The following GPC6 variants were observed in gnomAD, a reference collection of about 807,000 sequenced individuals.
The protein encoded by GPC6 is glypican-6.
In GPC6, 14 loss-of-function variants were observed where a neutral mutation model predicts 55.2. The observed-to-expected ratio is 0.25, with a 90% confidence interval of 0.17 to 0.40. The LOEUF (loss-of-function observed/expected upper bound fraction) is 0.40, where lower values mean the gene tolerates loss of function less well. Ranked by LOEUF, GPC6 falls within the 10% of genes least tolerant of loss-of-function variation. The probability of loss-of-function intolerance (pLI) is 1.00; values close to 1 mark genes in which losing one functional copy is unlikely to be tolerated. For synonymous variants in GPC6, 278 were observed against 259.6 expected (o/e 1.07, Z -0.68); for missense variants, 641 against 708.5 (o/e 0.90, Z 1.08).
At chr13:94,118,990 TTATG>T (rs1886529536) in intron 4 of GPC6, among the ~76,000 whole-genome samples, 1 of 52,086 alleles carries the variant, frequency 1.9e-5, no homozygotes, top group Non-Finnish European at 4.0e-5. Flanking sequence ...TGTATATACA[TTATG>T]TATGTGTGTG....
rs1024977860 is a variant in GPC6 at position 94,405,969 on chromosome 13, C to T, written c.*2752C>T. ...AGTAAGTATTTTGGAATTCAACCCT[C>T]GAATTATTTTTTCTCATTTCAGCAT... On this transcript the variant is annotated 3_prime_UTR_variant, in exon 9 of 9. Coordinates refer to ENST00000377047, the MANE Select transcript of GPC6 (RefSeq NM_005708.5). 1.5e-4 allele frequency: 23 copies of T among 152,188 alleles called. No homozygotes were observed. Among genetic ancestry groups the T allele is most frequent in the African/African-American group, 4.8e-4 (20 of 41,534 alleles). 9.4% of individuals were successfully genotyped at this position (152,188 alleles called of 1,614,324 possible).
At chr13:93,400,356 CAG>C (rs991914315) in intron 1 of GPC6, among the ~76,000 whole-genome samples, 11 of 141,050 alleles carry the variant, frequency 7.8e-5, no homozygotes, top group African/African-American at 2.8e-4. Context: ...AAAAAAAATA[CAG>C]AGTCCCTGTT....
At chr13:94,395,445 G>T (rs1256126810) in intron 7 of GPC6, among the ~76,000 whole-genome samples, 1 of 152,224 alleles carries the variant, frequency 6.6e-6, no homozygotes, top group Non-Finnish European at 1.5e-5. Context: ...AGTGAGCATT[G>T]TGAAGTCGAT....
chr13:94,011,309 A>C (rs577632866), intron 3 of GPC6, among the ~76,000 whole-genome samples: 1 of 152,294 alleles, frequency 6.6e-6, no homozygotes, highest in African/African-American at 2.4e-5. Flanking sequence ...GTCATCCTTC[A>C]AAGTAACCCC....
At chr13:93,980,889 A>T (rs1330413120) in intron 3 of GPC6, among the ~76,000 whole-genome samples, 7 of 152,132 alleles carry the variant, frequency 4.6e-5, no homozygotes, top group Admixed American at 1.3e-4. Context: ...ACTTGCTTAC[A>T]GATTTCTCCT....
intron 4 of GPC6, among the ~76,000 whole-genome samples, chr13:94,168,466 C>G (rs1888441712): frequency 6.6e-6 from 1 of 152,110 alleles, no homozygotes; most frequent in Non-Finnish European, 1.5e-5. Flanking sequence ...CCCCTAATAA[C>G]ATTTTTATGT....
chr13:93,255,282 A>C (rs1876915661), intron 1 of GPC6, among the ~76,000 whole-genome samples: 1 of 152,220 alleles, frequency 6.6e-6, no homozygotes, highest in Admixed American at 6.5e-5. Flanking sequence ...AACCTTGTAA[A>C]GATCAAATCA....
At chr13:94,162,117 C>T (rs1888189076) in intron 4 of GPC6, among the ~76,000 whole-genome samples, 1 of 152,142 alleles carries the variant, frequency 6.6e-6, no homozygotes, top group Non-Finnish European at 1.5e-5. Context: ...TGGGTGGGGA[C>T]ACAGCCAAAC....
intron 6 of GPC6, among the ~76,000 whole-genome samples, chr13:94,312,473 C>T (rs1204537404): frequency 6.6e-6 from 1 of 152,166 alleles, no homozygotes; most frequent in African/African-American, 2.4e-5. Context: ...GATTTAGAAA[C>T]TGTTGGTTAT....
At chr13:94,108,866 G>GT (rs1193421103) in intron 4 of GPC6, among the ~76,000 whole-genome samples, 1 of 149,360 alleles carries the variant, frequency 6.7e-6, no homozygotes, top group South Asian at 2.1e-4. Flanking sequence ...AAAAAAAAAA[G>GT]TTTTTTTAAT....
At chr13:93,476,815 G>T (rs1879318947) in intron 1 of GPC6, among the ~76,000 whole-genome samples, 2 of 151,990 alleles carry the variant, frequency 1.3e-5, no homozygotes, top group Admixed American at 6.6e-5. Flanking sequence ...AAATATTGGG[G>T]TGTATAAACA....
At chr13:93,713,037 G>A (rs575816955) in intron 2 of GPC6, among the ~76,000 whole-genome samples, 1 of 151,586 alleles carries the variant, frequency 6.6e-6, no homozygotes, top group East Asian at 2.0e-4. Context: ...ATTTATGTAT[G>A]TATTTATTAA....
At chr13:93,721,717 C>A (rs1883461320) in intron 2 of GPC6, among the ~76,000 whole-genome samples, 1 of 151,690 alleles carries the variant, frequency 6.6e-6, no homozygotes, top group African/African-American at 2.4e-5. Flanking sequence ...GCTATTAAAT[C>A]ATTCCTTAGT....
intron 6 of GPC6, among the ~76,000 whole-genome samples, chr13:94,320,559 C>T (rs1387004751): frequency 2.6e-5 from 4 of 152,056 alleles, no homozygotes; most frequent in Non-Finnish European, 5.9e-5. Flanking sequence ...CTTGGGAACC[C>T]CGGCTGTATG....
chr13:93,231,357 A>G (rs1237957527), intron 1 of GPC6, among the ~76,000 whole-genome samples: 2 of 29,286 alleles, frequency 6.8e-5, no homozygotes, highest in African/African-American at 3.7e-4. Context: ...ATATATATAT[A>G]TACGTATATA....
At chr13:93,557,757 T>G (rs868811637) in intron 2 of GPC6, among the ~76,000 whole-genome samples, 1 of 152,214 alleles carries the variant, frequency 6.6e-6, no homozygotes, top group Non-Finnish European at 1.5e-5. Context: ...AAACGTATTC[T>G]GAAACTGAAG....
chr13:93,508,807 A>G (rs1428711979), intron 1 of GPC6, among the ~76,000 whole-genome samples: 1 of 152,112 alleles, frequency 6.6e-6, no homozygotes, highest in Non-Finnish European at 1.5e-5. Flanking sequence ...CATTGCAGGT[A>G]GGGGAGAAAG....
chr13:93,504,452 C>G (rs959990661), intron 1 of GPC6, among the ~76,000 whole-genome samples: 9 of 150,198 alleles, frequency 6.0e-5, no homozygotes, highest in South Asian at 2.1e-4. Context: ...GCATATTCTG[C>G]CAACACATTA....
intron 6 of GPC6, among the ~76,000 whole-genome samples, chr13:94,380,827 C>G (rs1880123685): frequency 6.6e-6 from 1 of 152,150 alleles, no homozygotes; most frequent in African/African-American, 2.4e-5. Context: ...AGTCCAGAGC[C>G]CTCTGCTGCA....
Sources: gnomAD v4.1 joint callset for allele counts (sites outside exome capture counted in the v4.1 genomes callset) on GRCh38, gnomAD v4.1.1 for gene constraint, MANE v1.5 for transcripts, NCBI Gene and HGNC (gene_info 2026-07-23, HGNC 2026-07-21) for gene names.